The following M1AP variants were observed in gnomAD, a reference collection of about 807,000 sequenced individuals.
M1AP encodes the protein meiosis 1 associated protein, also known as meiosis 1 arrest protein.
M1AP carries 39 observed loss-of-function variants against 51.2 expected under a neutral mutation model. The ratio of observed to expected loss-of-function variants is 0.76; its 90% confidence interval spans 0.59 to 1.00. The LOEUF is 1.00. Ranked by LOEUF, M1AP falls within the 50% of genes least tolerant of loss-of-function variation. M1AP has a pLI of 0.00. For synonymous variants in M1AP, 251 were observed against 249.2 expected (o/e 1.01, Z -0.07); for missense variants, 545 against 641.2 (o/e 0.85, Z 1.62).
intron 8 of M1AP, among the ~76,000 whole-genome samples, chr2:74,561,564 A>G (rs1278092534): frequency 6.6e-6 from 1 of 152,146 alleles, no homozygotes; most frequent in Non-Finnish European, 1.5e-5. Context: ...ACGAAAACCC[A>G]TACAAAGGCT....
At chr2:74,606,284 G>C (rs1187579789) in intron 4 of M1AP, among the ~76,000 whole-genome samples, 1 of 152,166 alleles carries the variant, frequency 6.6e-6, no homozygotes, top group African/African-American at 2.4e-5. Flanking sequence ...AAGGATGGGG[G>C]CCTTTCTGTA....
chr2:74,642,349 C>T (rs915147930), intron 1 of M1AP, among the ~76,000 whole-genome samples: 5 of 151,634 alleles, frequency 3.3e-5, no homozygotes, highest in Non-Finnish European at 7.4e-5. Context: ...ATATCAATCA[C>T]GTAATTCGTC....
At chr2:74,634,813 G>A (rs1036627107) in intron 2 of M1AP, among the ~76,000 whole-genome samples, 3 of 152,056 alleles carry the variant, frequency 2.0e-5, no homozygotes, top group Non-Finnish European at 4.4e-5. Flanking sequence ...TTCAAATATT[G>A]AACCAATTTT....
At chr2:74,611,882 GTTTTTTTTTTTTTT>G (rs1188013311) in intron 3 of M1AP, among the ~76,000 whole-genome samples, 5 of 42,914 alleles carry the variant, frequency 1.2e-4, no homozygotes, top group East Asian at 9.9e-4. Flanking sequence ...ACAAAAAAGT[GTTTTTTTTTTTTTT>G]TTTTTTTTTT....
Position 74,558,029 on chromosome 2 carries a change from C to T in M1AP, c.*687G>A, listed in dbSNP as rs926187376. 1 of 152,124 alleles carries T rather than the reference C, an allele frequency of 6.6e-6. No homozygotes were observed. The highest frequency in any genetic ancestry group is 1.5e-5 in the Non-Finnish European group (1 of 68,102). The allele number at this position is 152,124 out of a possible 1,614,324, so 9.4% of individuals were successfully genotyped here. ...GGGATTACAGGTGTGAGCCACTGCT[C>T]CCAGCCCAGAGTAAACATTTTATAA... is the stretch of plus-strand genomic sequence containing the variant. On this transcript the variant is annotated 3_prime_UTR_variant, in exon 11 of 11. Coordinates refer to ENST00000421985, the MANE Select transcript of M1AP (RefSeq NM_001321739.2).
intron 4 of M1AP, among the ~76,000 whole-genome samples, chr2:74,595,498 C>T (rs555003729): frequency 5.3e-5 from 8 of 151,860 alleles, no homozygotes; most frequent in Non-Finnish European, 1.2e-4. Flanking sequence ...ATTATAGGTG[C>T]ACACTACCAT....
At chr2:74,589,528 AT>A (rs2104624395) in intron 4 of M1AP, among the ~76,000 whole-genome samples, 1 of 152,332 alleles carries the variant, frequency 6.6e-6, no homozygotes, top group East Asian at 1.9e-4. Flanking sequence ...CATTTTAAAA[AT>A]ATTTGTTTGA....
At chr2:74,648,013 G>T in intron 1 of M1AP, 6 of 985,542 alleles carry the variant, frequency 6.1e-6, no homozygotes, top group Non-Finnish European at 7.2e-6. Flanking sequence ...GGGCCTGGGG[G>T]CCCCGCGGAG....
intron 2 of M1AP, among the ~76,000 whole-genome samples, chr2:74,625,937 T>C (rs926124248): frequency 2.0e-5 from 3 of 152,246 alleles, no homozygotes; most frequent in Non-Finnish European, 2.9e-5. Context: ...ATACGTATTC[T>C]GGGCATCCTG....
At chr2:74,631,751 G>A (rs1045220810) in intron 2 of M1AP, among the ~76,000 whole-genome samples, 4 of 152,004 alleles carry the variant, frequency 2.6e-5, no homozygotes, top group African/African-American at 9.7e-5. Flanking sequence ...TTATATTAAC[G>A]GCACAATGGA....
chr2:74,648,326 C>G lies in M1AP; in HGVS notation c.-114G>C. 1 of 985,588 alleles carries G rather than the reference C, an allele frequency of 1.0e-6. No individual in the cohort carries two copies. The highest frequency in any genetic ancestry group is 4.7e-5 in the South Asian group (1 of 21,294). 61.1% of individuals were successfully genotyped at this position (985,588 alleles called of 1,614,324 possible). ...TCCCGGCTCTCAGCGTGCGCCCGCG[C>G]GTTCGGAGGCGCCCCCCTCAGGCCG... On this transcript the variant is annotated 5_prime_UTR_variant, in exon 1 of 11. Coordinates refer to ENST00000421985, the MANE Select transcript of M1AP (RefSeq NM_001321739.2).
chr2:74,634,126 C>T (rs1682846700), intron 2 of M1AP, among the ~76,000 whole-genome samples: 1 of 152,138 alleles, frequency 6.6e-6, no homozygotes, highest in Non-Finnish European at 1.5e-5. Context: ...ATGGAAAAAA[C>T]ACTTAGCATG....
chr2:74,562,448 C>G (rs1678089246), intron 7 of M1AP, 25 bp from the exon 8 acceptor site: 1 of 1,613,144 alleles, frequency 6.2e-7, no homozygotes, highest in Non-Finnish European at 8.5e-7. Context: ...TACAGAAATA[C>G]TGGTTCATCT....
At chr2:74,580,750 G>A (rs927723526) in intron 5 of M1AP, among the ~76,000 whole-genome samples, 4 of 152,174 alleles carry the variant, frequency 2.6e-5, no homozygotes, top group African/African-American at 7.2e-5. Context: ...TTTGGTAAAC[G>A]TCATGTTCAA....
intron 1 of M1AP, among the ~76,000 whole-genome samples, chr2:74,643,061 C>T (rs1445868777): frequency 6.6e-6 from 1 of 151,962 alleles, no homozygotes; most frequent in East Asian, 1.9e-4. Flanking sequence ...TTGCTGCACT[C>T]TCTTACTAAT....
At chr2:74,631,038 T>C (rs1201177765) in intron 2 of M1AP, among the ~76,000 whole-genome samples, 2 of 152,220 alleles carry the variant, frequency 1.3e-5, no homozygotes, top group Non-Finnish European at 2.9e-5. Context: ...TGCCTTTGCC[T>C]AGTATACATT....
At chr2:74,593,377 T>G (rs1680154779) in intron 4 of M1AP, among the ~76,000 whole-genome samples, 1 of 152,194 alleles carries the variant, frequency 6.6e-6, no homozygotes, top group Non-Finnish European at 1.5e-5. Context: ...CAATATTTTA[T>G]TCATTTATTT....
intron 1 of M1AP, among the ~76,000 whole-genome samples, chr2:74,642,275 C>T (rs1469830538): frequency 6.7e-6 from 1 of 149,292 alleles, no homozygotes; most frequent in African/African-American, 2.5e-5. Flanking sequence ...TAATAATATA[C>T]AAAAAAAAAC....
Position 74,575,510 on chromosome 2 carries a change from G to T in M1AP, c.1002C>A (p.Ser334Arg). Reference sequence around the variant, plus strand: ...GCTCATCCCAGTCCAGCTGCCAACAGCTTGTAGGTCTGAGGATGAACGGGA... The same window carrying T: ...GCTCATCCCAGTCCAGCTGCCAACATCTTGTAGGTCTGAGGATGAACGGGA... ...YGLPFILRPT[S>R]CWQLDWDELE... The change falls in exon 7 of 11, where the codon AGC (serine) becomes AGA (arginine). Residue 334 changes from serine (S) to arginine (R), a missense_variant. Coordinates refer to ENST00000421985, the MANE Select transcript of M1AP (RefSeq NM_001321739.2). 1.2e-6 allele frequency: 2 copies of T among 1,614,186 alleles called. No individual in the cohort carries two copies. The highest frequency in any genetic ancestry group is 1.7e-6 in the Non-Finnish European group (2 of 1,180,020).
Sources: gnomAD v4.1 joint callset for allele counts (sites outside exome capture counted in the v4.1 genomes callset) on GRCh38, gnomAD v4.1.1 for gene constraint, MANE v1.5 for transcripts, NCBI Gene and HGNC (gene_info 2026-07-23, HGNC 2026-07-21) for gene names.